The following ANK1 variants were observed in gnomAD, a reference collection of about 807,000 sequenced individuals.
ANK1 encodes ankyrin-1.
In ANK1, 51 loss-of-function variants were observed where a neutral mutation model predicts 210.4. That is an observed-to-expected ratio of 0.24 (90% CI 0.19 to 0.31). The LOEUF (loss-of-function observed/expected upper bound fraction) is 0.31, where lower values mean the gene tolerates loss of function less well. Ranked by LOEUF, ANK1 falls within the 10% of genes least tolerant of loss-of-function variation. The probability of loss-of-function intolerance (pLI) is 1.00; values close to 1 mark genes in which losing one functional copy is unlikely to be tolerated. For missense variants in ANK1, 2,051 were observed against 2,504.4 expected, an observed-to-expected ratio of 0.82 and a Z score of 3.86; for synonymous variants, 967 against 1,025.9, an observed-to-expected ratio of 0.94 and a Z score of 1.10.
At chr8:41,794,879 T>A (rs918322013) in intron 1 of ANK1, among the ~76,000 whole-genome samples, 36 of 152,108 alleles carry the variant, frequency 2.4e-4, no homozygotes, top group Non-Finnish European at 4.9e-4. Flanking sequence ...TAATTTTTTT[T>A]ATTTTTAACA....
intron 2 of ANK1, among the ~76,000 whole-genome samples, chr8:41,753,029 T>C (rs1176052687): frequency 6.7e-6 from 1 of 149,830 alleles, no homozygotes; most frequent in Non-Finnish European, 1.5e-5. Flanking sequence ...AACGCTCCAC[T>C]CCTCCAGGTC....
chr8:41,764,571 T>C (rs1030607928), intron 1 of ANK1, among the ~76,000 whole-genome samples: 4 of 152,172 alleles, frequency 2.6e-5, no homozygotes, highest in Non-Finnish European at 5.9e-5. Flanking sequence ...GCTCATCCTA[T>C]ACAGAAAACT....
At chr8:41,685,544 A>G (rs1295684666) in intron 36 of ANK1, among the ~76,000 whole-genome samples, 1 of 152,248 alleles carries the variant, frequency 6.6e-6, no homozygotes, top group Non-Finnish European at 1.5e-5. Context: ...TGAGAGGACA[A>G]TACTCATTTG....
intron 1 of ANK1, among the ~76,000 whole-genome samples, chr8:41,791,581 G>A (rs1466142875): frequency 2.6e-5 from 4 of 151,856 alleles, no homozygotes; most frequent in South Asian, 2.1e-4. Flanking sequence ...ACAGGCGCAC[G>A]CCACCATGCC....
intron 1 of ANK1, among the ~76,000 whole-genome samples, chr8:41,805,734 G>A (rs1850871590): frequency 6.6e-6 from 1 of 152,142 alleles, no homozygotes; most frequent in Non-Finnish European, 1.5e-5. Context: ...ACAAATCAGT[G>A]CAAAGAGGGT....
chr8:41,817,431 A>G (rs1322123890), intron 1 of ANK1, among the ~76,000 whole-genome samples: 1 of 152,232 alleles, frequency 6.6e-6, no homozygotes, highest in Non-Finnish European at 1.5e-5. Context: ...AATTGCTTCC[A>G]GAGGCACATT....
intron 1 of ANK1, among the ~76,000 whole-genome samples, chr8:41,777,737 C>G (rs1404811031): frequency 1.3e-5 from 2 of 152,202 alleles, no homozygotes; most frequent in Non-Finnish European, 2.9e-5. Context: ...CTGAAGTCCA[C>G]TTTCATAATC....
intron 23 of ANK1, among the ~76,000 whole-genome samples, chr8:41,699,129 G>A (rs953308172): frequency 2.6e-4 from 40 of 152,162 alleles, no homozygotes; most frequent in Admixed American, 2.6e-3. Context: ...GAGAAGTTGA[G>A]TGTGGATAAG....
chr8:41,805,180 T>G (rs1850762571), intron 1 of ANK1, among the ~76,000 whole-genome samples: 1 of 151,346 alleles, frequency 6.6e-6, no homozygotes, highest in Non-Finnish European at 1.5e-5. Context: ...TTTCTTTCTT[T>G]CTTTCTCTCT....
rs777659353 is a variant in ANK1 at position 41,668,405 on chromosome 8, C to G, written c.5256G>C (p.Lys1752Asn). The change falls in exon 39 of 43, where the codon AAG (lysine) becomes AAC (asparagine). Residue 1752 changes from lysine (K) to asparagine (N), a missense_variant. Lys to Asn is a moderately conservative substitution (Grantham distance 94). This residue lies in a region of ANK1 where 496 missense variants were observed against 533.4 expected (regional missense o/e 0.93). Coordinates refer to ENST00000289734, the MANE Select transcript of ANK1 (RefSeq NM_000037.4). ...LEPGGSQEYE[K>N]VLVSVSEHTW... ...TGTGCTCACTTACAGACACCAGGACCTTCTCGTACTCCTGAGATCCACCGG... is the reference window on the plus strand; with the variant it reads ...TGTGCTCACTTACAGACACCAGGACGTTCTCGTACTCCTGAGATCCACCGG... 6.2e-7 allele frequency: 1 copy of G among 1,614,122 alleles called. No individual in the cohort carries two copies. Among genetic ancestry groups the G allele is most frequent in the African/African-American group, 1.3e-5 (1 of 74,938 alleles).
At chr8:41,742,002 A>G (rs1834914732) in intron 2 of ANK1, among the ~76,000 whole-genome samples, 1 of 152,236 alleles carries the variant, frequency 6.6e-6, no homozygotes, top group South Asian at 2.1e-4. Flanking sequence ...TGGAATGTCA[A>G]CTGACAGGAT....
intron 27 of ANK1, 47 bp downstream of exon 27, chr8:41,695,130 C>T (rs1440081215): frequency 6.2e-7 from 1 of 1,612,760 alleles, no homozygotes; most frequent in Non-Finnish European, 8.5e-7. Context: ...AACTCAAACC[C>T]CTCTTCCGCA....
chr8:41,672,561 G>A lies in ANK1; in HGVS notation c.4889C>T (p.Ala1630Val), dbSNP rs1563371726. The part of the protein sequence containing the change: ...LVEDDTVDSD[A>V]TNGLIDLLEQ... ...AAGCAAATCGATAAGGCCATTTGTG[G>A]CATCTGAATCCACTGTGTCGTCCTC... Residue 1630 changes from alanine to valine, a missense_variant, in exon 38 of 43, where the codon GCC becomes GTC. By Grantham distance (64) the Ala-to-Val change is moderately conservative. Transcript: ENST00000289734. 6.2e-7 allele frequency: 1 copy of A among 1,614,214 alleles called. No homozygotes were observed.
In ANK1 at chr8:41,727,301, T is replaced by C; in HGVS notation, c.375A>G (p.Glu125=). The C allele has an allele frequency of 6.2e-7, 1 of 1,614,226 alleles. No homozygotes were observed. The highest frequency in any genetic ancestry group is 8.5e-7 in the Non-Finnish European group (1 of 1,180,036). Residue 125 remains glutamate, a synonymous_variant, in exon 5 of 43, where the codon GAA becomes GAG. Coordinates refer to ENST00000289734, the MANE Select transcript of ANK1 (RefSeq NM_000037.4). ...CATTTTCCAGTAAAAACTTAACCACTTCCAAGTGGTTCTCTTGTGCTGCCA... is the reference window on the plus strand; with the variant it reads ...CATTTTCCAGTAAAAACTTAACCACCTCCAAGTGGTTCTCTTGTGCTGCCA... The part of the protein sequence containing the change: ...LYMAAQENHL[E]VVKFLLENGA...
chr8:41,807,092 A>G (rs1851079784), intron 1 of ANK1, among the ~76,000 whole-genome samples: 1 of 152,234 alleles, frequency 6.6e-6, no homozygotes. Context: ...TCACTCATCC[A>G]TCTTTCTCGT....
chr8:41,852,765 C>G (rs570331374), intron 1 of ANK1, among the ~76,000 whole-genome samples: 128 of 152,300 alleles, frequency 8.4e-4, no homozygotes, highest in African/African-American at 2.8e-3. Context: ...GGAATTCACC[C>G]AGGTCTGTCT....
chr8:41,822,857 C>A, intron 1 of ANK1, among the ~76,000 whole-genome samples: 1 of 152,184 alleles, frequency 6.6e-6, no homozygotes, highest in East Asian at 1.9e-4. Context: ...AAGCACAGCA[C>A]GAGAGCGGGG....
chr8:41,877,952 T>C (rs1816885463), intron 1 of ANK1, among the ~76,000 whole-genome samples: 1 of 152,110 alleles, frequency 6.6e-6, no homozygotes, highest in Non-Finnish European at 1.5e-5. Flanking sequence ...GACAGGAGGT[T>C]GGGACCTGGG....
chr8:41,783,325 G>A (rs1845702040), intron 1 of ANK1, among the ~76,000 whole-genome samples: 1 of 152,122 alleles, frequency 6.6e-6, no homozygotes, highest in Admixed American at 6.6e-5. Flanking sequence ...TCTAATTTTT[G>A]GAAAGTTCTT....
Sources: allele counts gnomAD v4.1 joint callset (sites outside exome capture counted in the v4.1 genomes callset), GRCh38; gene constraint gnomAD v4.1.1; regional missense constraint gnomAD v4.1.1; transcripts MANE v1.5; gene names NCBI Gene and HGNC (gene_info 2026-07-23, HGNC 2026-07-21).